The following KIF27 variants were observed in gnomAD, a reference collection of about 807,000 sequenced individuals.
KIF27 encodes the protein kinesin family member 27.
In KIF27, 84 loss-of-function variants were observed where a neutral mutation model predicts 141.8. That is an observed-to-expected ratio of 0.59 (90% confidence interval 0.50 to 0.71). The LOEUF (loss-of-function observed/expected upper bound fraction) is 0.71. Ranked by LOEUF, KIF27 falls within the 30% of genes least tolerant of loss-of-function variation. The pLI, the probability that KIF27 is intolerant of heterozygous loss-of-function variation, is 0.00. For missense variants in KIF27, 1,306 were observed against 1,628.4 expected, an observed-to-expected ratio of 0.80 and a Z score of 3.41; for synonymous variants, 471 against 569.5, an observed-to-expected ratio of 0.83 and a Z score of 2.46.
chr9:83,908,438 G>A lies in KIF27; in HGVS notation c.499+14C>T. On this transcript the variant is annotated intron_variant, in intron 3 of 17. Coordinates refer to ENST00000297814, the MANE Select transcript of KIF27 (RefSeq NM_017576.4). ...TTTGCTAATGAAGGCAACTGATTAA[G>A]TGTGCTACTTTACCTGTGTTTCCTT... 1.3e-6 allele frequency: 2 copies of A among 1,548,488 alleles called. No individual in the cohort carries two copies. The highest frequency in any genetic ancestry group is 1.8e-6 in the Non-Finnish European group (2 of 1,127,858).
intron 5 of KIF27, among the ~76,000 whole-genome samples, chr9:83,893,527 A>T (rs1411678923): frequency 6.6e-6 from 1 of 152,024 alleles, no homozygotes; most frequent in Admixed American, 6.6e-5. Context: ...AAATAAAATA[A>T]CTATGTTATT....
intron 16 of KIF27, among the ~76,000 whole-genome samples, chr9:83,844,309 GAGATAT>G (rs1347317645): frequency 1.4e-5 from 1 of 73,706 alleles, no homozygotes; most frequent in South Asian, 5.0e-4. Flanking sequence ...TATATAGAGA[GAGATAT>G]AGATATATAG....
intron 13 of KIF27, among the ~76,000 whole-genome samples, chr9:83,863,408 G>A (rs1418969880): frequency 1.3e-5 from 2 of 152,096 alleles, no homozygotes; most frequent in Non-Finnish European, 2.9e-5. Flanking sequence ...TTTGTCAAAG[G>A]CCTTTTCTGC....
chr9:83,843,628 A>C (rs1419635167), intron 16 of KIF27, among the ~76,000 whole-genome samples: 1 of 152,244 alleles, frequency 6.6e-6, no homozygotes, highest in East Asian at 1.9e-4. Flanking sequence ...ATGTCATATT[A>C]ATCAACTTAA....
intron 16 of KIF27, among the ~76,000 whole-genome samples, chr9:83,847,091 A>C (rs1215968415): frequency 6.6e-6 from 1 of 152,124 alleles, no homozygotes; most frequent in Non-Finnish European, 1.5e-5. Context: ...AATGGTCCAG[A>C]CCCTTCAGGA....
intron 17 of KIF27, among the ~76,000 whole-genome samples, chr9:83,838,978 G>A: frequency 6.6e-6 from 1 of 152,184 alleles, no homozygotes; most frequent in Non-Finnish European, 1.5e-5. Context: ...CAGTACATCA[G>A]AGTCACTGGG....
rs1214305980 is a variant in KIF27 at position 83,921,409 on chromosome 9, G to A, written c.-126C>T. On this transcript the variant is annotated 5_prime_UTR_variant, in exon 1 of 18. Coordinates refer to ENST00000297814, the MANE Select transcript of KIF27 (RefSeq NM_017576.4). ...CCCAGGCCCCTGTCGGCGAGCGCTG[G>A]ACTCCTCAGCTTCGCTCTGCCACAC... The A allele has an allele frequency of 6.6e-6, 1 of 152,280 alleles. No individual in the cohort carries two copies. Among genetic ancestry groups the A allele is most frequent in the Non-Finnish European group, 1.5e-5 (1 of 68,120 alleles). 9.4% of individuals were successfully genotyped at this position (152,280 alleles called of 1,614,324 possible). A position where few individuals can be genotyped will look rare whatever the true frequency, so the allele number is the denominator to read the frequency against.
In KIF27 at chr9:83,903,146, G is replaced by A. The variant is rs1194182598; in HGVS notation, c.1372C>T (p.Arg458Ter). 6 of 1,613,974 alleles carry A rather than the reference G, an allele frequency of 3.7e-6. No individual in the cohort carries two copies. Among genetic ancestry groups the A allele is most frequent in the African/African-American group, 2.7e-5 (2 of 74,908 alleles). ...AGACTTGCAGTGCCTCCGATTCCTCGAAATGAGGTGAGGACAGCCTTCCTG... is the reference window on the plus strand; with the variant it reads ...AGACTTGCAGTGCCTCCGATTCCTCAAAATGAGGTGAGGACAGCCTTCCTG... ...EVRKAVLTSF[R>*]GIGGTASLEE... is the part of the protein sequence containing the mutation. The change falls in exon 4 of 18, where the codon CGA (arginine) becomes TGA (stop). Residue 458 changes from arginine (R) to a stop codon, truncating the protein, a stop_gained. Transcript: ENST00000297814. LOFTEE classifies it high-confidence loss of function.
intron 11 of KIF27, among the ~76,000 whole-genome samples, chr9:83,871,772 C>G (rs1192598795): frequency 6.6e-6 from 1 of 151,796 alleles, no homozygotes; most frequent in African/African-American, 2.4e-5. Context: ...ACTGCAACCT[C>G]CGCCTCCCAG....
intron 14 of KIF27, among the ~76,000 whole-genome samples, chr9:83,856,291 C>T (rs920763579): frequency 1.8e-4 from 27 of 152,086 alleles, no homozygotes; most frequent in African/African-American, 6.3e-4. Context: ...TGAGCAAGCA[C>T]TGCAGAGATT....
chr9:83,857,349 G>C (rs1320171820), intron 14 of KIF27, among the ~76,000 whole-genome samples: 3 of 152,112 alleles, frequency 2.0e-5, no homozygotes, highest in Admixed American at 2.0e-4. Context: ...GATCTATTTG[G>C]AATATTAACC....
At chr9:83,901,063 A>G (rs1953835499) in intron 4 of KIF27, among the ~76,000 whole-genome samples, 3 of 152,078 alleles carry the variant, frequency 2.0e-5, no homozygotes, top group South Asian at 4.1e-4. Context: ...GGCTCAAGTA[A>G]TCCTCCCACC....
intron 9 of KIF27, among the ~76,000 whole-genome samples, chr9:83,885,590 T>C (rs1265627455): frequency 6.6e-6 from 1 of 152,010 alleles, no homozygotes; most frequent in Non-Finnish European, 1.5e-5. Context: ...AACACACCAA[T>C]ATTTTATGAA....
At chr9:83,918,487 A>G (rs1305347785) in intron 1 of KIF27, among the ~76,000 whole-genome samples, 8 of 152,230 alleles carry the variant, frequency 5.3e-5, no homozygotes, top group Non-Finnish European at 8.8e-5. Context: ...AGGAACTTGC[A>G]ACTAGAATAT....
At position 83,889,147 on chromosome 9, in the gene KIF27, T is replaced by G; in HGVS notation, c.1916A>C (p.His639Pro). 6.2e-7 allele frequency: 1 copy of G among 1,614,020 alleles called. No homozygotes were observed. Among genetic ancestry groups the G allele is most frequent in the Non-Finnish European group, 8.5e-7 (1 of 1,179,930 alleles). ...GHIEEQDKVL[H>P]CQFSDNSDDE... ...ATCACTGTTATCAGAAAATTGGCAG[T>G]GGAGGACCTTATCTTGTTCTTCTAT... The change falls in exon 7 of 18, where the codon CAC (histidine) becomes CCC (proline). Residue 639 changes from histidine (H) to proline (P), a missense_variant. This residue lies in a region of KIF27 where 596 missense variants were observed against 751.6 expected (regional missense o/e 0.79). Transcript: ENST00000297814.
intron 11 of KIF27, among the ~76,000 whole-genome samples, chr9:83,879,230 T>G (rs1951479047): frequency 6.7e-6 from 1 of 150,272 alleles, no homozygotes; most frequent in Non-Finnish European, 1.5e-5. Flanking sequence ...ATGTTATATA[T>G]ATTTTACCAC....
intron 13 of KIF27, among the ~76,000 whole-genome samples, chr9:83,862,718 A>AT (rs1950042299): frequency 6.6e-6 from 1 of 152,170 alleles, no homozygotes; most frequent in African/African-American, 2.4e-5. Flanking sequence ...GAAGAAAGTC[A>AT]TTGGTAGCTT....
chr9:83,871,112 T>C (rs1358596102), intron 11 of KIF27, among the ~76,000 whole-genome samples: 1 of 152,000 alleles, frequency 6.6e-6, no homozygotes, highest in Non-Finnish European at 1.5e-5. Context: ...GATGGGGTCT[T>C]GTTACATTGC....
chr9:83,847,991 T>C (rs1212942399), intron 16 of KIF27: 1 of 144,942 alleles, frequency 6.9e-6, no homozygotes, highest in Non-Finnish European at 1.5e-5. Context: ...ATATATCCTA[T>C]ATATTTTATA....
Sources: allele counts gnomAD v4.1 joint callset (sites outside exome capture counted in the v4.1 genomes callset), GRCh38; gene constraint gnomAD v4.1.1; regional missense constraint gnomAD v4.1.1; transcripts MANE v1.5; gene names NCBI Gene and HGNC (gene_info 2026-07-23, HGNC 2026-07-21).